Variants in CROCC2 observed in about 807,000 individuals in gnomAD.
The protein encoded by CROCC2 is ciliary rootlet coiled-coil, rootletin family member 2.
In CROCC2, 163 loss-of-function variants were observed where a neutral mutation model predicts 177.6. The ratio of observed to expected loss-of-function variants is 0.92; its 90% CI spans 0.81 to 1.05. The LOEUF (loss-of-function observed/expected upper bound fraction) is 1.05, where lower values mean the gene tolerates loss of function less well. CROCC2 is among the 50% of genes least tolerant of loss of function. The probability of loss-of-function intolerance (pLI) is 0.00; values close to 1 mark genes in which losing one functional copy is unlikely to be tolerated. For missense variants in CROCC2, 1,929 were observed against 1,797.8 expected (o/e 1.07, Z -1.32); for synonymous variants, 904 against 787.3 (o/e 1.15, Z -2.48).
chr2:240,952,901 C>G (rs935376407), intron 18 of CROCC2, among the ~76,000 whole-genome samples: 1 of 152,096 alleles, frequency 6.6e-6, no homozygotes, highest in Non-Finnish European at 1.5e-5. Context: ...AAGTTCAAAG[C>G]CCCTTGGGAG....
chr2:240,929,364 G>A (rs921017285), intron 5 of CROCC2, among the ~76,000 whole-genome samples: 2 of 152,116 alleles, frequency 1.3e-5, no homozygotes, highest in African/African-American at 4.8e-5. Flanking sequence ...AAACACAGTA[G>A]CACCCTGAGT....
chr2:240,920,230 A>T (rs952718184), intron 3 of CROCC2, 96 bp downstream of exon 3: 8 of 585,082 alleles, frequency 1.4e-5, no homozygotes, highest in African/African-American at 1.1e-4. Context: ...GCCTGGGACC[A>T]TCGGCAATTT....
Position 240,913,297 on chromosome 2 carries a change from C to A in CROCC2, c.79-5429C>A, listed in dbSNP as rs577332714. 3.4e-4 allele frequency among the ~76,000 whole-genome samples: 52 copies of A among 152,086 alleles called. 1 individual carries two copies. The South Asian group carries it at 1.0e-2, about 29-fold the overall frequency. ...TTCCACAGCTCCCTCCACATGGACA[C>A]AGTGCCCGGGCTCTCTAGCTGGTGG... is the stretch of plus-strand genomic sequence containing the variant. On this transcript the variant is annotated intron_variant, in intron 1 of 31. Coordinates refer to ENST00000690015, the MANE Select transcript of CROCC2 (RefSeq NM_001351305.2).
intron 2 of CROCC2, 95 bp from the exon 3 acceptor site, chr2:240,919,888 T>TG: frequency 3.4e-6 from 2 of 589,898 alleles, no homozygotes; most frequent in Non-Finnish European, 6.1e-6. Flanking sequence ...TGGAGCCTGG[T>TG]GGCCAGCCCA....
intron 25 of CROCC2, among the ~76,000 whole-genome samples, chr2:240,966,625 C>G (rs911406341): frequency 6.6e-6 from 1 of 152,134 alleles, no homozygotes; most frequent in Non-Finnish European, 1.5e-5. Flanking sequence ...GGCTGAAAAG[C>G]CCCTGGAGCC....
chr2:240,941,689 A>G (rs969632204), intron 14 of CROCC2, among the ~76,000 whole-genome samples: 4 of 152,240 alleles, frequency 2.6e-5, no homozygotes, highest in African/African-American at 9.6e-5. Context: ...AAATTATGAT[A>G]TGCACAGTCT....
At position 240,935,054 on chromosome 2, in the gene CROCC2, G is replaced by A. The variant is rs1283446034; in HGVS notation, c.1930G>A (p.Ala644Thr). Reference protein sequence around the residue: ...AQDKSALNHLALQLEQERDQL... With the variant: ...AQDKSALNHLTLQLEQERDQL... The stretch of plus-strand genomic sequence containing the variant: ...GGACAAAAGTGCCCTGAACCACCTG[G>A]CTCTCCAGGTGAGACAAGGGCCAGT... The change falls in exon 13 of 32, where the codon GCT becomes ACT. Residue 644 changes from alanine (A) to threonine (T), a missense_variant. Physicochemically the swap from Ala to Thr is moderately conservative, Grantham distance 58. Coordinates refer to ENST00000690015, the MANE Select transcript of CROCC2 (RefSeq NM_001351305.2). The A allele has an allele frequency of 2.2e-6, 3 of 1,370,970 alleles. No homozygotes were observed. The highest frequency in any genetic ancestry group is 3.0e-5 in the East Asian group (1 of 33,658). 84.9% of individuals were successfully genotyped at this position (1,370,970 alleles called of 1,614,324 possible).
At chr2:240,913,859 G>C (rs191515026) in intron 1 of CROCC2, among the ~76,000 whole-genome samples, 1 of 152,368 alleles carries the variant, frequency 6.6e-6, no homozygotes, top group East Asian at 1.9e-4. Flanking sequence ...CCCTCTCTGC[G>C]GCGGGCCGGG....
Position 240,949,522 on chromosome 2 carries a change from T to C in CROCC2, c.2483-11T>C, listed in dbSNP as rs1375786767. Reference sequence around the variant, plus strand: ...GCCAGGCCCTGGTGCATCTCACCCATCACCCCACAGTGGAAATGGAGCAGC... The same window carrying C: ...GCCAGGCCCTGGTGCATCTCACCCACCACCCCACAGTGGAAATGGAGCAGC... On this transcript the variant is annotated splice_polypyrimidine_tract_variant and intron_variant, in intron 16 of 31. Transcript: ENST00000690015. The surrounding 1 kb of genome is among the most constrained non-coding windows in gnomAD (Gnocchi z 4.5). 1 of 1,549,234 alleles carries C rather than the reference T, an allele frequency of 6.5e-7. No individual in the cohort carries two copies. Among genetic ancestry groups the C allele is most frequent in the Non-Finnish European group, 8.7e-7 (1 of 1,146,046 alleles).
intron 19 of CROCC2, chr2:240,959,094 G>A: frequency 7.1e-6 from 4 of 562,996 alleles, no homozygotes; most frequent in South Asian, 7.1e-5. Flanking sequence ...AGCTGTCAGG[G>A]GCCGTGGATG....
Position 240,955,936 on chromosome 2 carries a change from A to T in CROCC2, c.2907A>T (p.Val969=), listed in dbSNP as rs1559603535. ...LSRARRTLER[V]QQEAQSQQEQ... ...GGGCCAGGAGGACGCTAGAGCGGGT[A>T]CAGCAGGAGGCACAGAGCCAGCAGG... Residue 969 remains valine, a synonymous_variant, in exon 19 of 32, where the codon GTA becomes GTT. Coordinates refer to ENST00000690015, the MANE Select transcript of CROCC2 (RefSeq NM_001351305.2). 2 of 1,534,838 alleles carry T rather than the reference A, an allele frequency of 1.3e-6. No homozygotes were observed. Among genetic ancestry groups the T allele is most frequent in the African/African-American group, 2.7e-5 (2 of 73,136 alleles).
rs1419506034 is a variant in CROCC2 at position 240,988,737 on chromosome 2, A to T, written c.4552-2A>T. ...AGGTTCTGCCTCCTGGGATCTCTGC[A>T]GATGGAGCAAGAGACACTGAAGAGG... On this transcript the variant is annotated splice_acceptor_variant, in intron 28 of 31. Transcript: ENST00000690015. LOFTEE classifies it high-confidence loss of function. 1 of 1,403,740 alleles carries T rather than the reference A, an allele frequency of 7.1e-7. No individual in the cohort carries two copies. The highest frequency in any genetic ancestry group is 2.7e-5 in the Admixed American group (1 of 37,714). 87.0% of individuals were successfully genotyped at this position (1,403,740 alleles called of 1,614,324 possible).
chr2:240,949,097 G>T lies in CROCC2; in HGVS notation c.2482G>T (p.Val828Leu). Reference protein sequence around the residue: ...SAGLARQALQVEMEQLQSDWE... With the variant: ...SAGLARQALQLEMEQLQSDWE... ...AGGACTCGCGCGGCAGGCCTTGCAA[G>T]GTGCTCCAAGGGCGCTCCCTCAGCT... is the stretch of plus-strand genomic sequence containing the variant. The change falls in exon 16 of 32, where the codon GTG (valine) becomes TTG (leucine). Residue 828 changes from valine to leucine, a missense_variant and splice_region_variant. Transcript: ENST00000690015. The surrounding 1 kb of genome is among the most constrained non-coding windows in gnomAD (Gnocchi z 4.5). 10 of 1,536,206 alleles carry T rather than the reference G, an allele frequency of 6.5e-6. No homozygotes were observed. The highest frequency in any genetic ancestry group is 8.8e-6 in the Non-Finnish European group (10 of 1,141,662).
intron 28 of CROCC2, among the ~76,000 whole-genome samples, chr2:240,984,289 T>C (rs1264278032): frequency 1.3e-5 from 2 of 152,066 alleles, no homozygotes. Context: ...TGGACCTGGC[T>C]TCCACGCATG....
Position 240,918,614 on chromosome 2 carries a change from C to T in CROCC2, c.79-112C>T. On this transcript the variant is annotated intron_variant, in intron 1 of 31. Coordinates refer to ENST00000690015, the MANE Select transcript of CROCC2 (RefSeq NM_001351305.2). This position sits in a 1 kb window ranked among gnomAD's most constrained non-coding sequence, Gnocchi z 6.3. ...GCCTCACCCTGTCCTCTCCAGGGCACTCTGCTGCCTTGGGGTGGCCCTGTG... is the reference window on the plus strand; with the variant it reads ...GCCTCACCCTGTCCTCTCCAGGGCATTCTGCTGCCTTGGGGTGGCCCTGTG... The T allele has an allele frequency of 1.0e-5, 5 of 479,358 alleles. No homozygotes were observed. Among genetic ancestry groups the T allele is most frequent in the Non-Finnish European group, 1.8e-5 (5 of 272,052 alleles). 29.7% of individuals were successfully genotyped at this position (479,358 alleles called of 1,614,324 possible).
chr2:240,981,241 G>A (rs974617110), intron 27 of CROCC2, among the ~76,000 whole-genome samples: 1 of 151,462 alleles, frequency 6.6e-6, no homozygotes, highest in African/African-American at 2.4e-5. Flanking sequence ...CTCAGTCTCT[G>A]GGGTAGGAGC....
chr2:240,931,177 G>A lies in CROCC2; in HGVS notation c.947+49G>A, dbSNP rs546177620. 3.2e-4 allele frequency: 153 copies of A among 473,332 alleles called. 1 individual carries two copies. The Admixed American group carries it at 4.0e-3, about 12-fold the overall frequency. 29.3% of individuals were successfully genotyped at this position (473,332 alleles called of 1,614,324 possible). A position where few individuals can be genotyped will look rare whatever the true frequency, so the allele number is the denominator to read the frequency against. Reference sequence around the variant, plus strand: ...TTGCACAGGGAGGGCCCGGGGGGTCGGGGCCCATCCAGCGTGCCGAGCAGC... The same window carrying A: ...TTGCACAGGGAGGGCCCGGGGGGTCAGGGCCCATCCAGCGTGCCGAGCAGC... On this transcript the variant is annotated intron_variant, in intron 7 of 31. Transcript: ENST00000690015.
In CROCC2 at chr2:240,958,603, C is replaced by T. The variant is rs1490711442; in HGVS notation, c.2944-698C>T. On this transcript the variant is annotated intron_variant, in intron 19 of 31. Transcript: ENST00000690015. This position sits in a 1 kb window ranked among gnomAD's most constrained non-coding sequence, Gnocchi z 6.7. ...CCCCCCGCCAGCCGCCTGCTGCTGCCTGGAGGCTTGGTCCAGTCCCCTGAA... is the reference window on the plus strand; with the variant it reads ...CCCCCCGCCAGCCGCCTGCTGCTGCTTGGAGGCTTGGTCCAGTCCCCTGAA... 1 of 985,122 alleles carries T rather than the reference C, an allele frequency of 1.0e-6. No homozygotes were observed. The highest frequency in any genetic ancestry group is 1.2e-6 in the Non-Finnish European group (1 of 829,778). 61.0% of individuals were successfully genotyped at this position (985,122 alleles called of 1,614,324 possible). A position where few individuals can be genotyped will look rare whatever the true frequency, so the allele number is the denominator to read the frequency against.
At chr2:240,919,810 C>T (rs1441540893) in intron 2 of CROCC2, among the ~76,000 whole-genome samples, 173 bp from the exon 3 acceptor site, 3 of 152,148 alleles carry the variant, frequency 2.0e-5, no homozygotes, top group African/African-American at 7.2e-5. Flanking sequence ...TGAAGTCTGC[C>T]TCCCTATGTT....
Sources: allele counts gnomAD v4.1 joint callset (sites outside exome capture counted in the v4.1 genomes callset), GRCh38; gene constraint gnomAD v4.1.1; non-coding constraint Gnocchi (gnomAD v3.1); transcripts MANE v1.5; gene names NCBI Gene and HGNC (gene_info 2026-07-23, HGNC 2026-07-21).